The following KDM6A variants were observed in gnomAD, a reference collection of about 807,000 sequenced individuals.
KDM6A encodes lysine demethylase 6A.
In KDM6A, 11 loss-of-function variants were observed where a neutral mutation model predicts 117.6. That is an observed-to-expected ratio of 0.09 (90% confidence interval 0.06 to 0.15). KDM6A has a LOEUF of 0.15. KDM6A is among the 10% of genes least tolerant of loss of function. KDM6A has a pLI of 1.00. For missense variants in KDM6A, 799 were observed against 1,077.3 expected (o/e 0.74, Z 3.62); for synonymous variants, 384 against 396.1 (o/e 0.97, Z 0.36).
At chrX:44,958,691 A>T (rs2147151815) in intron 2 of KDM6A, among the ~76,000 whole-genome samples, 1 of 85,260 alleles carries the variant, frequency 1.2e-5, no homozygotes, top group East Asian at 3.9e-4. Flanking sequence ...TTTTTTTAGT[A>T]CCTGTTTTAT....
intron 2 of KDM6A, among the ~76,000 whole-genome samples, chrX:44,942,686 A>G (rs1255846153): frequency 2.7e-5 from 3 of 109,442 alleles, no homozygotes; most frequent in Non-Finnish European, 3.8e-5. Context: ...ATATATAAAT[A>G]AAAATTAGGG....
chrX:45,043,244 C>T (rs1326914895), intron 8 of KDM6A, among the ~76,000 whole-genome samples: 5 of 111,111 alleles, frequency 4.5e-5, no homozygotes, highest in Non-Finnish European at 5.7e-5. Flanking sequence ...GATCTGAGAT[C>T]TCGCCACTGC....
At chrX:45,097,901 C>T (rs763393961) in intron 27 of KDM6A, among the ~76,000 whole-genome samples, 1 of 111,853 alleles carries the variant, frequency 8.9e-6, no homozygotes, top group African/African-American at 3.2e-5. Flanking sequence ...CAGATATTTC[C>T]TATGTTGGCA....
chrX:44,901,096 G>A (rs1259767292), intron 2 of KDM6A, among the ~76,000 whole-genome samples: 2 of 111,373 alleles, frequency 1.8e-5, no homozygotes, highest in African/African-American at 6.5e-5. Flanking sequence ...AAATTATGAG[G>A]ACGGCCAGGT....
At chrX:44,979,213 C>T (rs767091374) in intron 4 of KDM6A, among the ~76,000 whole-genome samples, 3 of 112,173 alleles carry the variant, frequency 2.7e-5, no homozygotes, top group Non-Finnish European at 3.8e-5. Context: ...TCCATATCTT[C>T]GTTAGCACTT....
chrX:44,936,176 C>A (rs2036956908), intron 2 of KDM6A, among the ~76,000 whole-genome samples: 1 of 111,729 alleles, frequency 9.0e-6, no homozygotes, highest in African/African-American at 3.3e-5. Flanking sequence ...GTCTTAACAT[C>A]ACTGCCTACT....
chrX:44,987,254 T>G (rs1197033454), intron 4 of KDM6A, among the ~76,000 whole-genome samples: 2 of 111,695 alleles, frequency 1.8e-5, no homozygotes, highest in African/African-American at 6.5e-5. Flanking sequence ...GTTTTCCATT[T>G]GCTTGGTAGA....
At chrX:45,030,591 C>T (rs1026990523) in intron 6 of KDM6A, among the ~76,000 whole-genome samples, 3 of 109,922 alleles carry the variant, frequency 2.7e-5, no homozygotes, top group Non-Finnish European at 5.7e-5. Context: ...TTTTAGAGAC[C>T]ACATTTTTAA....
intron 2 of KDM6A, among the ~76,000 whole-genome samples, chrX:44,938,526 A>C (rs1418809633): frequency 8.9e-6 from 1 of 112,374 alleles, no homozygotes; most frequent in East Asian, 2.8e-4. Flanking sequence ...TAACGAAAGA[A>C]TCTATCTCCA....
intron 8 of KDM6A, among the ~76,000 whole-genome samples, chrX:45,038,194 G>C (rs763426226): frequency 9.9e-5 from 11 of 111,449 alleles, no homozygotes; most frequent in Non-Finnish European, 1.7e-4. Flanking sequence ...CTGCACTCTA[G>C]CCTGGGCAAC....
rs762577042 is a variant in KDM6A, at chrX:44,873,369, T to TGCC, written c.-167_-165dup. On this transcript the variant is annotated 5_prime_UTR_variant, in exon 1 of 30. Transcript: ENST00000611820. ...GCCGACCCGGGGGCTCCGCAGCCCCTGCCGCCGCCGCCGCCGCCTTCACCG... is the reference window on the plus strand; with the variant it reads ...GCCGACCCGGGGGCTCCGCAGCCCCTGCCGCCGCCGCCGCCGCCGCCTTCACCG... The TGCC allele has an allele frequency of 0.071, 40,028 of 564,845 alleles. 1,743 individuals are homozygous for TGCC. The highest frequency in any genetic ancestry group is 0.26 in the African/African-American group (9,761 of 37,570). The allele number at this position is 564,845 out of a possible 1,213,427, so 46.5% of individuals were successfully genotyped here.
intron 4 of KDM6A, among the ~76,000 whole-genome samples, chrX:44,977,178 T>A (rs2039654488): frequency 9.0e-6 from 1 of 111,724 alleles, no homozygotes; most frequent in African/African-American, 3.3e-5. Flanking sequence ...CTCCATAGTT[T>A]ATTTAATCAG....
Position 45,111,292 on chromosome X carries a change from C to T in KDM6A, c.4333-90C>T. 7 of 760,542 alleles carry T rather than the reference C, an allele frequency of 9.2e-6. No homozygotes were observed. The South Asian group carries it at 1.5e-4, about 16-fold the overall frequency. 62.7% of individuals were successfully genotyped at this position (760,542 alleles called of 1,213,427 possible). A position where few individuals can be genotyped will look rare whatever the true frequency, so the allele number is the denominator to read the frequency against. On this transcript the variant is annotated intron_variant, in intron 29 of 29. Transcript: ENST00000611820. The stretch of plus-strand genomic sequence containing the variant: ...CTGTTGAACTTTTTGAGAGTTATTT[C>T]CCCTAACTTCACAAGCAGACTATAT...
At chrX:44,876,427 T>G (rs1366005092) in intron 2 of KDM6A, among the ~76,000 whole-genome samples, 2 of 111,194 alleles carry the variant, frequency 1.8e-5, no homozygotes, top group Non-Finnish European at 3.8e-5. Flanking sequence ...GAAGCAGTAT[T>G]TTTTTGTTTT....
Position 45,070,098 on chromosome X carries a change from G to C in KDM6A, c.2599G>C (p.Val867Leu). Residue 867 changes from valine (V) to leucine (L), a missense_variant, in exon 18 of 30, where the codon GTT (valine) becomes CTT (leucine). By Grantham distance (32) the Val-to-Leu change is conservative. Coordinates refer to ENST00000611820, the MANE Select transcript of KDM6A (RefSeq NM_001291415.2). ...TGTTCATACAAAGACTGATAACTCTGTTGCCTCTTCACCATCTTCAGCCAT... is the reference window on the plus strand; with the variant it reads ...TGTTCATACAAAGACTGATAACTCTCTTGCCTCTTCACCATCTTCAGCCAT... ...PAVHTKTDNS[V>L]ASSPSSAIST... 8.3e-7 allele frequency: 1 copy of C among 1,211,581 alleles called. No individual in the cohort carries two copies. Among genetic ancestry groups the C allele is most frequent in the Non-Finnish European group, 1.1e-6 (1 of 895,368 alleles).
chrX:44,932,891 C>CTT (rs765121404), intron 2 of KDM6A, among the ~76,000 whole-genome samples: 16 of 100,408 alleles, frequency 1.6e-4, no homozygotes, highest in South Asian at 1.3e-3. Context: ...TTTTTTCTTT[C>CTT]TTTTTTTTTT....
intron 18 of KDM6A, 123 bp from the exon 19 acceptor site, chrX:45,076,574 C>T: frequency 2.0e-6 from 1 of 502,589 alleles, no homozygotes; most frequent in Non-Finnish European, 3.4e-6. Context: ...ATCCACATCC[C>T]ACATCTCATG....
chrX:45,029,394 A>G (rs989976476), intron 6 of KDM6A, among the ~76,000 whole-genome samples: 2 of 110,951 alleles, frequency 1.8e-5, no homozygotes, highest in African/African-American at 6.6e-5. Flanking sequence ...AGATCAAGCC[A>G]TTGCCCTCAG....
At chrX:45,047,406 TTGTA>T (rs1208397305) in intron 8 of KDM6A, among the ~76,000 whole-genome samples, 2 of 108,577 alleles carry the variant, frequency 1.8e-5, no homozygotes, top group Admixed American at 1.0e-4. Flanking sequence ...TTTTGTGTGT[TTGTA>T]TGTGTGTGTT....
Sources: gnomAD v4.1 joint callset for allele counts (sites outside exome capture counted in the v4.1 genomes callset) on GRCh38, gnomAD v4.1.1 for gene constraint, MANE v1.5 for transcripts, NCBI Gene and HGNC (gene_info 2026-07-23, HGNC 2026-07-21) for gene names.